ZNF827: variants seen among roughly 807,000 people sequenced by gnomAD.
The protein encoded by ZNF827 is zinc finger protein 827.
ZNF827 carries 13 observed loss-of-function variants against 102.4 expected under a neutral mutation model. That is an observed-to-expected ratio of 0.13 (90% CI 0.08 to 0.20). The LOEUF is 0.20. Among genes scored for constraint, ZNF827 ranks in the 10% least tolerant of loss-of-function variants. The probability of loss-of-function intolerance (pLI) is 1.00; values close to 1 mark genes in which losing one functional copy is unlikely to be tolerated. For missense variants in ZNF827, 1,103 were observed against 1,344.4 expected, an observed-to-expected ratio of 0.82 and a Z score of 2.81; for synonymous variants, 523 against 536.2, an observed-to-expected ratio of 0.98 and a Z score of 0.34.
intron 9 of ZNF827, among the ~76,000 whole-genome samples, chr4:145,776,708 G>T (rs1737170203): frequency 6.6e-6 from 1 of 152,128 alleles, no homozygotes; most frequent in Non-Finnish European, 1.5e-5. Context: ...CAGCGTAAAA[G>T]AGGCCTCATC....
At chr4:145,768,906 T>TAC (rs1411822010) in intron 11 of ZNF827, among the ~76,000 whole-genome samples, 7 of 31,372 alleles carry the variant, frequency 2.2e-4, no homozygotes, top group Non-Finnish European at 4.9e-4. Context: ...TATATATATA[T>TAC]ATATATATAT....
intron 8 of ZNF827, among the ~76,000 whole-genome samples, chr4:145,817,721 C>T (rs4027700): frequency 0.034 from 5,157 of 152,248 alleles, 126 homozygotes; most frequent in Middle Eastern, 0.051. Context: ...ACTTTTAATA[C>T]AGGGGATGTG....
At chr4:145,828,545 A>G (rs1743899682) in intron 7 of ZNF827, among the ~76,000 whole-genome samples, 1 of 152,226 alleles carries the variant, frequency 6.6e-6, no homozygotes. Flanking sequence ...ACTCTTCAGT[A>G]GCAGCATCTG....
chr4:145,895,891 T>G, intron 2 of ZNF827, among the ~76,000 whole-genome samples: 1 of 152,204 alleles, frequency 6.6e-6, no homozygotes, highest in South Asian at 2.1e-4. Context: ...GCAATAGGAT[T>G]GAAATGTTCA....
intron 1 of ZNF827, among the ~76,000 whole-genome samples, chr4:145,932,854 A>G (rs1244943671): frequency 1.3e-5 from 2 of 152,156 alleles, no homozygotes; most frequent in South Asian, 4.1e-4. Context: ...GTGTGCCCAT[A>G]GTCTTTGTCC....
intron 8 of ZNF827, among the ~76,000 whole-genome samples, chr4:145,795,109 G>A (rs983938143): frequency 6.6e-6 from 1 of 152,168 alleles, no homozygotes; most frequent in Non-Finnish European, 1.5e-5. Flanking sequence ...ACAGGGTCAC[G>A]CCAAGTCAGG....
chr4:145,765,498 C>A lies in ZNF827; in HGVS notation c.3052+49G>T. 6.4e-7 allele frequency: 1 copy of A among 1,554,368 alleles called. No individual in the cohort carries two copies. Among genetic ancestry groups the A allele is most frequent in the South Asian group, 1.3e-5 (1 of 79,928 alleles). ...GCAGGGCTTATTCTCAAGAATGGGT[C>A]ATCCTGGGTGCGGAGGGTTGAGCAG... On this transcript the variant is annotated intron_variant, in intron 12 of 14. Coordinates refer to ENST00000508784, the MANE Select transcript of ZNF827 (RefSeq NM_001306215.2). This position sits in a 1 kb window ranked among gnomAD's most constrained non-coding sequence, Gnocchi z 4.7.
intron 7 of ZNF827, among the ~76,000 whole-genome samples, chr4:145,827,280 C>T (rs1006396018): frequency 6.6e-6 from 1 of 152,050 alleles, no homozygotes; most frequent in Admixed American, 6.5e-5. Context: ...TGAATCCTTG[C>T]AACAAATGGA....
At position 145,823,428 on chromosome 4, in the gene ZNF827, C is replaced by G; in HGVS notation, c.2377G>C (p.Ala793Pro). 6.2e-7 allele frequency: 1 copy of G among 1,611,196 alleles called. No homozygotes were observed. Among genetic ancestry groups the G allele is most frequent in the Non-Finnish European group, 8.5e-7 (1 of 1,178,522 alleles). ...GCCAACAATGTTTCCATACCTGGAG[C>G]TGATATTCTTCCGTGCAGCACGGAG... Reference protein sequence around the residue: ...SDSVLHGRISAPETEKIVLEA... With the variant: ...SDSVLHGRISPPETEKIVLEA... Residue 793 changes from alanine to proline, a missense_variant, in exon 8 of 15, where the codon GCT becomes CCT. By Grantham distance (27) the Ala-to-Pro change is conservative. Around this residue, in one of 5 missense-constraint regions of ZNF827, gnomAD observed 243 missense variants for 251.6 expected, o/e 0.97. Transcript: ENST00000508784.
intron 2 of ZNF827, among the ~76,000 whole-genome samples, chr4:145,898,728 C>T (rs1751172729): frequency 6.6e-6 from 1 of 152,128 alleles, no homozygotes; most frequent in African/African-American, 2.4e-5. Context: ...GTGGTGGACT[C>T]TTAAGGAATT....
Position 145,903,034 on chromosome 4 carries a change from A to C in ZNF827, c.225T>G (p.Thr75=), listed in dbSNP as rs763597041. The C allele has an allele frequency of 1.9e-5, 30 of 1,614,040 alleles. No individual in the cohort carries two copies. Among genetic ancestry groups the C allele is most frequent in the Non-Finnish European group, 2.5e-5 (29 of 1,180,032 alleles). ...CCAGCTCCAACGTGTGGCTGCTGGG[A>C]GTCGTGCTTCCCAAGGAGGTGTCCG... is the stretch of plus-strand genomic sequence containing the variant. The part of the protein sequence containing the change: ...TSPDTSLGST[T]PSSHTLELVA... The change falls in exon 2 of 15, where the codon ACT becomes ACG. Residue 75 remains threonine, a synonymous_variant. Transcript: ENST00000508784.
At position 145,805,742 on chromosome 4, in the gene ZNF827, G is replaced by A. The variant is rs546350303; in HGVS notation, c.2383+17680C>T. ...GCTATTTCAGATGACCTGGGGGCCGGCTCCCTCCCTCCCCTCCAGCCTCAC... is the reference window on the plus strand; with the variant it reads ...GCTATTTCAGATGACCTGGGGGCCGACTCCCTCCCTCCCCTCCAGCCTCAC... On this transcript the variant is annotated intron_variant, in intron 8 of 14. Transcript: ENST00000508784. Among the ~76,000 whole-genome samples, 35 of 152,154 alleles carry A rather than the reference G, an allele frequency of 2.3e-4. No individual in the cohort carries two copies. In the South Asian group the frequency reaches 7.1e-3, roughly 31 times the overall value.
At chr4:145,804,354 A>G (rs1180193964) in intron 8 of ZNF827, among the ~76,000 whole-genome samples, 1 of 152,160 alleles carries the variant, frequency 6.6e-6, no homozygotes, top group Admixed American at 6.5e-5. Context: ...TCACTGAAAC[A>G]TATTATCTCA....
At position 145,758,136 on chromosome 4, in the gene ZNF827, C is replaced by T. The variant is rs1464767357; in HGVS notation, c.*3480G>A. ...AACAATAATAATATAAAAAGTCAAA[C>T]AAACTCCAAACACACCTTTTCTCAC... On this transcript the variant is annotated 3_prime_UTR_variant, in exon 15 of 15. Transcript: ENST00000508784. The T allele has an allele frequency of 2.0e-5, 3 of 152,024 alleles. No homozygotes were observed. The highest frequency in any genetic ancestry group is 4.4e-5 in the Non-Finnish European group (3 of 67,988). The allele number at this position is 152,024 out of a possible 1,614,324, so 9.4% of individuals were successfully genotyped here.
Position 145,765,934 on chromosome 4 carries a change from C to A in ZNF827, c.2861-196G>T, listed in dbSNP as rs1735219952. On this transcript the variant is annotated intron_variant, in intron 11 of 14. Coordinates refer to ENST00000508784, the MANE Select transcript of ZNF827 (RefSeq NM_001306215.2). This position sits in a 1 kb window ranked among gnomAD's most constrained non-coding sequence, Gnocchi z 4.7. ...CCTTTGTGGTACTGGGGGCCAAGAG[C>A]AGGCATTCATTAATTTGACAAGTGT... Among the ~76,000 whole-genome samples the A allele has an allele frequency of 6.6e-6, 1 of 152,084 alleles. No homozygotes were observed. The highest frequency in any genetic ancestry group is 2.1e-4 in the South Asian group (1 of 4,820).
chr4:145,921,340 A>G (rs1753049405), intron 1 of ZNF827, among the ~76,000 whole-genome samples: 1 of 152,168 alleles, frequency 6.6e-6, no homozygotes, highest in Non-Finnish European at 1.5e-5. Context: ...TTATCCTTTT[A>G]GAAAATGCCT....
At chr4:145,779,646 G>A (rs912022110) in intron 8 of ZNF827, 135 bp from the exon 9 acceptor site, 6 of 1,237,284 alleles carry the variant, frequency 4.8e-6, no homozygotes, top group Non-Finnish European at 6.6e-6. Context: ...CTCCGTAACT[G>A]GTTTTCCTGC....
At chr4:145,779,656 C>T in intron 8 of ZNF827, 145 bp from the exon 9 acceptor site, 1 of 1,178,964 alleles carries the variant, frequency 8.5e-7, no homozygotes, top group Non-Finnish European at 1.2e-6. Context: ...GGTTTTCCTG[C>T]TCATTTCCTG....
chr4:145,827,039 G>A lies in ZNF827; in HGVS notation c.2280-3514C>T, dbSNP rs148819712. Among the ~76,000 whole-genome samples, 1,373 of 152,104 alleles carry A rather than the reference G, an allele frequency of 9.0e-3. 21 individuals are homozygous for A. Among genetic ancestry groups the A allele is most frequent in the African/African-American group, 0.032 (1,310 of 41,472 alleles). On this transcript the variant is annotated intron_variant, in intron 7 of 14. Transcript: ENST00000508784. ...TGGGATTACAGGCATGAGCCACCAC[G>A]CCCTGCCAACCACTGTGGGTCTTGA... is the stretch of plus-strand genomic sequence containing the variant.
Sources: gnomAD v4.1 joint callset for allele counts (sites outside exome capture counted in the v4.1 genomes callset) on GRCh38, gnomAD v4.1.1 for gene constraint, gnomAD v4.1.1 regional missense constraint, Gnocchi (gnomAD v3.1) non-coding constraint, MANE v1.5 for transcripts, NCBI Gene and HGNC (gene_info 2026-07-23, HGNC 2026-07-21) for gene names.